TMTC2: variants seen among roughly 807,000 people sequenced by gnomAD.
TMTC2 encodes protein O-mannosyl-transferase TMTC2.
Under a neutral mutation model 82.4 loss-of-function variants are expected in TMTC2, and 43 were observed. The ratio of observed to expected loss-of-function variants is 0.52; its 90% CI spans 0.41 to 0.67. TMTC2 has a LOEUF of 0.67. Ranked by LOEUF, TMTC2 falls within the 30% of genes least tolerant of loss-of-function variation. The pLI is 0.00. For synonymous variants in TMTC2, 408 were observed against 381.9 expected, an observed-to-expected ratio of 1.07 and a Z score of -0.80; for missense variants, 919 against 1,012.4, an observed-to-expected ratio of 0.91 and a Z score of 1.25.
chr12:82,730,677 A>G (rs1255214501), intron 1 of TMTC2, among the ~76,000 whole-genome samples: 1 of 152,202 alleles, frequency 6.6e-6, no homozygotes, highest in African/African-American at 2.4e-5. Context: ...TAGTTAAGTA[A>G]TCTCTAAATC....
chr12:82,790,500 G>A (rs960577292), intron 1 of TMTC2, among the ~76,000 whole-genome samples: 1 of 152,060 alleles, frequency 6.6e-6, no homozygotes, highest in African/African-American at 2.4e-5. Context: ...CTGGGAAGAA[G>A]TAAATTGCTG....
At chr12:83,061,987 C>T (rs1206385185) in intron 11 of TMTC2, among the ~76,000 whole-genome samples, 156 bp downstream of exon 11, 2 of 151,484 alleles carry the variant, frequency 1.3e-5, no homozygotes, top group African/African-American at 4.8e-5. Flanking sequence ...ATTTTGAATA[C>T]CTACTAAACA....
rs969526811 is a variant in TMTC2, at chr12:83,100,788, T to TA, written c.2332-31415dup. Among the ~76,000 whole-genome samples, 4 of 152,292 alleles carry TA rather than the reference T, an allele frequency of 2.6e-5. No homozygotes were observed. The South Asian group carries it at 8.3e-4, about 32-fold the overall frequency. ...TACTATTTTTGTCATTAACAAATAC[T>TA]AAAAAAACTGAGCTGGATTAAGATA... is the stretch of plus-strand genomic sequence containing the variant. On this transcript the variant is annotated intron_variant, in intron 11 of 11. Transcript: ENST00000321196.
chr12:83,050,037 T>A (rs1364139714), intron 9 of TMTC2, among the ~76,000 whole-genome samples: 1 of 152,222 alleles, frequency 6.6e-6, no homozygotes, highest in East Asian at 1.9e-4. Context: ...TTAGTACTTT[T>A]AAATTCTTGA....
chr12:83,009,424 G>T (rs186537915), intron 8 of TMTC2, among the ~76,000 whole-genome samples: 1 of 152,206 alleles, frequency 6.6e-6, no homozygotes, highest in East Asian at 1.9e-4. Flanking sequence ...GTGTGCCTAT[G>T]AGATTTTTGG....
At chr12:82,766,150 A>ATTT (rs1469685820) in intron 1 of TMTC2, among the ~76,000 whole-genome samples, 2 of 152,188 alleles carry the variant, frequency 1.3e-5, no homozygotes, top group African/African-American at 4.8e-5. Context: ...TAATGCTTAA[A>ATTT]AAGCTCCAAA....
intron 1 of TMTC2, among the ~76,000 whole-genome samples, chr12:82,779,594 TAAAC>T (rs774880244): frequency 7.2e-5 from 11 of 152,110 alleles, no homozygotes; most frequent in Non-Finnish European, 1.6e-4. Flanking sequence ...GTGTAGCTGT[TAAAC>T]AAAATAACTA....
At chr12:82,797,514 T>C (rs1878778354) in intron 1 of TMTC2, among the ~76,000 whole-genome samples, 1 of 152,172 alleles carries the variant, frequency 6.6e-6, no homozygotes, top group Admixed American at 6.5e-5. Flanking sequence ...TAGGAAGCAC[T>C]GTGTTCTTCA....
At chr12:82,866,454 A>C (rs1592586761) in intron 2 of TMTC2, among the ~76,000 whole-genome samples, 1 of 152,196 alleles carries the variant, frequency 6.6e-6, no homozygotes, top group East Asian at 1.9e-4. Context: ...ACTGAATTTC[A>C]ACCAGTTAAC....
At chr12:82,898,272 C>T (rs1172658968) in intron 3 of TMTC2, among the ~76,000 whole-genome samples, 1 of 152,154 alleles carries the variant, frequency 6.6e-6, no homozygotes, top group African/African-American at 2.4e-5. Flanking sequence ...AAAATCATTA[C>T]AATTAGTTTT....
chr12:82,787,021 G>C (rs1477085112), intron 1 of TMTC2, among the ~76,000 whole-genome samples: 2 of 152,180 alleles, frequency 1.3e-5, no homozygotes, highest in East Asian at 3.9e-4. Context: ...ACACTATTTT[G>C]TTTGTTCAGA....
rs1454698290 is a variant in TMTC2 at position 82,805,006 on chromosome 12, AC to A, written c.84-52003del. On this transcript the variant is annotated intron_variant, in intron 1 of 11. Transcript: ENST00000321196. ...TCTCTAGCAGTTTTGCCATGAGAGT[AC>A]ACCAAACAAAGGAGACAGGGTCATT... 3.3e-5 allele frequency among the ~76,000 whole-genome samples: 5 copies of A among 152,310 alleles called. No individual in the cohort carries two copies. In the East Asian group the frequency reaches 9.6e-4, roughly 29 times the overall value.
chr12:83,077,018 AAGG>A (rs1762908555), intron 11 of TMTC2, among the ~76,000 whole-genome samples: 1 of 152,212 alleles, frequency 6.6e-6, no homozygotes, highest in South Asian at 2.1e-4. Context: ...TTTAAATGGA[AAGG>A]AGATTTTATT....
intron 1 of TMTC2, among the ~76,000 whole-genome samples, chr12:82,798,323 G>A (rs1235260502): frequency 6.7e-6 from 1 of 149,718 alleles, no homozygotes; most frequent in Non-Finnish European, 1.5e-5. Context: ...TGTAATCCCA[G>A]CACTTTGGGA....
intron 2 of TMTC2, among the ~76,000 whole-genome samples, chr12:82,892,014 C>T (rs142966420): frequency 8.3e-4 from 127 of 152,178 alleles, no homozygotes; most frequent in Non-Finnish European, 1.6e-3. Flanking sequence ...TGCAGTAAGC[C>T]ATGATTGTAC....
chr12:83,022,399 T>C (rs553985642), intron 8 of TMTC2, among the ~76,000 whole-genome samples: 1 of 113,720 alleles, frequency 8.8e-6, no homozygotes, highest in Non-Finnish European at 1.7e-5. Context: ...CATTGCTCTC[T>C]TCCGCATTAT....
chr12:83,055,887 A>G (rs1017030928), intron 10 of TMTC2, among the ~76,000 whole-genome samples: 4 of 151,880 alleles, frequency 2.6e-5, no homozygotes, highest in South Asian at 4.1e-4. Flanking sequence ...AAATCTTCCT[A>G]TCTTATAGAT....
At chr12:82,989,567 C>T (rs781561537) in intron 8 of TMTC2, among the ~76,000 whole-genome samples, 24 of 151,256 alleles carry the variant, frequency 1.6e-4, no homozygotes, top group Non-Finnish European at 2.8e-4. Context: ...CCTGCACCCC[C>T]CCCAAAAAAA....
chr12:82,705,826 A>C (rs767369580), intron 1 of TMTC2, among the ~76,000 whole-genome samples: 29 of 152,122 alleles, frequency 1.9e-4, no homozygotes, highest in Non-Finnish European at 4.0e-4. Context: ...GTGCGACATA[A>C]TCTCAAAGAG....
Sources: gnomAD v4.1 joint callset for allele counts (sites outside exome capture counted in the v4.1 genomes callset) on GRCh38, gnomAD v4.1.1 for gene constraint, MANE v1.5 for transcripts, NCBI Gene and HGNC (gene_info 2026-07-23, HGNC 2026-07-21) for gene names.